Variants in SLC15A1 observed in about 807,000 individuals in gnomAD.
SLC15A1 encodes the protein Caco-2 oligopeptide transporter.
A neutral mutation model predicts 92.9 loss-of-function variants in SLC15A1; 83 were observed. That is an observed-to-expected ratio of 0.89 (90% CI 0.75 to 1.07). The LOEUF is 1.07. SLC15A1 is among the 50% of genes least tolerant of loss of function. SLC15A1 has a pLI of 0.00. For synonymous variants in SLC15A1, 322 were observed against 318.2 expected (o/e 1.01, Z -0.13); for missense variants, 857 against 880.1 (o/e 0.97, Z 0.33).
intron 18 of SLC15A1, among the ~76,000 whole-genome samples, chr13:98,699,870 T>C (rs1361068184): frequency 6.6e-6 from 1 of 152,224 alleles, no homozygotes; most frequent in African/African-American, 2.4e-5. Flanking sequence ...ATAAGACCAA[T>C]GCTATTGTTC....
chr13:98,736,096 A>G (rs1020886389), intron 1 of SLC15A1, among the ~76,000 whole-genome samples: 3 of 152,228 alleles, frequency 2.0e-5, no homozygotes, highest in Non-Finnish European at 2.9e-5. Flanking sequence ...AAACTATACT[A>G]GAAGGCTACA....
intron 14 of SLC15A1, among the ~76,000 whole-genome samples, chr13:98,709,370 G>A (rs779297190): frequency 2.0e-5 from 3 of 152,200 alleles, no homozygotes; most frequent in Non-Finnish European, 4.4e-5. Context: ...TTGATTAAAG[G>A]CCTTTTCAGG....
chr13:98,687,677 G>C lies in SLC15A1; in HGVS notation c.1731C>G (p.Asn577Lys). 1 of 1,614,158 alleles carries C rather than the reference G, an allele frequency of 6.2e-7. No individual in the cohort carries two copies. The highest frequency in any genetic ancestry group is 2.2e-5 in the East Asian group (1 of 44,886). ...GGATTTGCAGAGCCATGTTAACTGT[G>C]TTGGCTGAAATATCTTCAAACACCT... ...EVKVFEDISANTVNMALQIPQ... is the reference protein window; with the variant it reads ...EVKVFEDISAKTVNMALQIPQ... The change falls in exon 21 of 23, where the codon AAC becomes AAG. Residue 577 changes from asparagine (N) to lysine (K), a missense_variant. Coordinates refer to ENST00000376503, the MANE Select transcript of SLC15A1 (RefSeq NM_005073.4).
intron 1 of SLC15A1, among the ~76,000 whole-genome samples, chr13:98,735,870 T>G (rs538679217): frequency 6.6e-6 from 1 of 152,352 alleles, no homozygotes; most frequent in East Asian, 1.9e-4. Context: ...GAACATTCTA[T>G]GCTCATGCAC....
intron 1 of SLC15A1, among the ~76,000 whole-genome samples, chr13:98,737,757 G>A (rs80113393): frequency 0.011 from 1,658 of 152,260 alleles, 34 homozygotes; most frequent in African/African-American, 0.037. Flanking sequence ...TGAGGAATGG[G>A]TCATTGCTAT....
At position 98,711,802 on chromosome 13, in the gene SLC15A1, C is replaced by A. The variant is rs771561123; in HGVS notation, c.900+52G>T. The A allele has an allele frequency of 6.7e-6, 9 of 1,350,690 alleles. No individual in the cohort carries two copies. The African/African-American group carries it at 1.0e-4, about 15-fold the overall frequency. The allele number at this position is 1,350,690 out of a possible 1,614,324, so 83.7% of individuals were successfully genotyped here. On this transcript the variant is annotated intron_variant, in intron 11 of 22. Coordinates refer to ENST00000376503, the MANE Select transcript of SLC15A1 (RefSeq NM_005073.4). ...AAGTGAGCCTTGGTACCTGGCAGTG[C>A]GGGATGTACGCTTGCTCCGTGAAGA...
rs141445435 is a variant in SLC15A1, at chr13:98,718,990, C to T, written c.640+247G>A. Among the ~76,000 whole-genome samples the T allele has an allele frequency of 7.9e-5, 12 of 152,314 alleles. No individual in the cohort carries two copies. In the East Asian group the frequency reaches 2.1e-3, roughly 27 times the overall value. On this transcript the variant is annotated intron_variant, in intron 8 of 22. Coordinates refer to ENST00000376503, the MANE Select transcript of SLC15A1 (RefSeq NM_005073.4). ...ATCTTAATCTGCCTAAATAGTATTACACCTTTCAATGACCAACTCAGTTGG... is the reference window on the plus strand; with the variant it reads ...ATCTTAATCTGCCTAAATAGTATTATACCTTTCAATGACCAACTCAGTTGG...
At chr13:98,692,143 T>A (rs2087984888) in intron 18 of SLC15A1, among the ~76,000 whole-genome samples, 2 of 19,752 alleles carry the variant, frequency 1.0e-4, no homozygotes, top group Non-Finnish European at 1.8e-4. Flanking sequence ...AAACTTTTTT[T>A]TTTTTTTTTT....
At chr13:98,718,191 T>C (rs2088225848) in intron 8 of SLC15A1, among the ~76,000 whole-genome samples, 3 of 151,842 alleles carry the variant, frequency 2.0e-5, no homozygotes, top group Non-Finnish European at 4.4e-5. Flanking sequence ...CAGTGGCAAC[T>C]GAACCAGGTT....
chr13:98,727,349 C>T (rs1330046301), intron 1 of SLC15A1, among the ~76,000 whole-genome samples: 1 of 152,206 alleles, frequency 6.6e-6, no homozygotes, highest in East Asian at 1.9e-4. Flanking sequence ...CCGATATTCC[C>T]TTCCCAAATC....
At chr13:98,721,614 C>T (rs758783625) in intron 6 of SLC15A1, 29 bp from the exon 7 acceptor site, 1 of 1,510,352 alleles carries the variant, frequency 6.6e-7, no homozygotes, top group African/African-American at 1.4e-5. Context: ...AGTAAGATGA[C>T]TTTGGCTATC....
In SLC15A1 at chr13:98,726,204, A is replaced by G. The variant is rs780351123; in HGVS notation, c.164T>C (p.Ile55Thr). ...ISWDDNLSTAIYHTFVALCYL... is the reference protein window; with the variant it reads ...ISWDDNLSTATYHTFVALCYL... ...GCACAGAGCCACAAACGTATGGTAGATGGCGGTGGACAGGTTATCATCCCA... is the reference window on the plus strand; with the variant it reads ...GCACAGAGCCACAAACGTATGGTAGGTGGCGGTGGACAGGTTATCATCCCA... Residue 55 changes from isoleucine to threonine, a missense_variant, in exon 4 of 23, where the codon ATC becomes ACC. Ile to Thr is a moderately conservative substitution (Grantham distance 89). Transcript: ENST00000376503. The G allele has an allele frequency of 6.2e-7, 1 of 1,614,134 alleles. No homozygotes were observed. The highest frequency in any genetic ancestry group is 8.5e-7 in the Non-Finnish European group (1 of 1,180,008).
intron 1 of SLC15A1, among the ~76,000 whole-genome samples, chr13:98,744,511 G>A (rs898316945): frequency 1.3e-5 from 2 of 151,878 alleles, no homozygotes; most frequent in African/African-American, 4.8e-5. Flanking sequence ...AGCACTTTGG[G>A]AGGCCGAGGC....
intron 15 of SLC15A1, among the ~76,000 whole-genome samples, chr13:98,708,372 G>A (rs1198829283): frequency 3.9e-5 from 6 of 152,190 alleles, no homozygotes; most frequent in Non-Finnish European, 8.8e-5. Flanking sequence ...ATGCTTGTTT[G>A]TAAGTGATGA....
At chr13:98,746,393 G>A (rs1347713652) in intron 1 of SLC15A1, among the ~76,000 whole-genome samples, 2 of 152,166 alleles carry the variant, frequency 1.3e-5, no homozygotes, top group African/African-American at 4.8e-5. Flanking sequence ...ACCCCGTAAT[G>A]GGACTGCTGG....
intron 18 of SLC15A1, among the ~76,000 whole-genome samples, chr13:98,702,228 T>C (rs180898627): frequency 5.9e-4 from 90 of 152,342 alleles, no homozygotes; most frequent in Non-Finnish European, 2.6e-4. Flanking sequence ...GTTTTTGTCA[T>C]GAATGGATGC....
intron 10 of SLC15A1, 86 bp from the exon 11 acceptor site, chr13:98,712,029 G>C: frequency 1.0e-6 from 1 of 975,746 alleles, no homozygotes; most frequent in East Asian, 2.4e-5. Context: ...GATTTCAGTG[G>C]AGACACAGAT....
At chr13:98,730,841 C>T (rs1373661218) in intron 1 of SLC15A1, among the ~76,000 whole-genome samples, 2 of 152,240 alleles carry the variant, frequency 1.3e-5, no homozygotes, top group African/African-American at 4.8e-5. Context: ...GACCGTCCTT[C>T]TTCTTCAGCT....
intron 1 of SLC15A1, among the ~76,000 whole-genome samples, chr13:98,733,080 G>A (rs2088362998): frequency 6.6e-6 from 1 of 152,166 alleles, no homozygotes; most frequent in Non-Finnish European, 1.5e-5. Context: ...TGGGGGAGGG[G>A]TCCCCAAGTC....
Sources: allele counts gnomAD v4.1 joint callset (sites outside exome capture counted in the v4.1 genomes callset), GRCh38; gene constraint gnomAD v4.1.1; transcripts MANE v1.5; gene names NCBI Gene and HGNC (gene_info 2026-07-23, HGNC 2026-07-21).